Variants in TPO observed in about 807,000 individuals in gnomAD.
TPO encodes the protein thyroid microsomal antigen.
Under a neutral mutation model 96.9 loss-of-function variants are expected in TPO, and 78 were observed. The ratio of observed to expected loss-of-function variants is 0.81; its 90% confidence interval spans 0.67 to 0.97. The LOEUF is 0.97. Among genes scored for constraint, TPO ranks in the 50% least tolerant of loss-of-function variants. The pLI is 0.00. For synonymous variants in TPO, 547 were observed against 538.0 expected, an observed-to-expected ratio of 1.02 and a Z score of -0.23; for missense variants, 1,252 against 1,274.8, an observed-to-expected ratio of 0.98 and a Z score of 0.27.
chr2:1,497,097 C>T (rs1177574170), intron 13 of TPO, among the ~76,000 whole-genome samples: 3 of 152,204 alleles, frequency 2.0e-5, no homozygotes, highest in Non-Finnish European at 2.9e-5. Flanking sequence ...CAGCAGCAAA[C>T]GTCTCCACTC....
At chr2:1,499,569 C>T (rs979712585) in intron 13 of TPO, among the ~76,000 whole-genome samples, 1 of 151,592 alleles carries the variant, frequency 6.6e-6, no homozygotes, top group African/African-American at 2.4e-5. Context: ...ATCACACCTG[C>T]GGCGTCTGGG....
chr2:1,381,188 T>A (rs981229548), intron 1 of TPO, among the ~76,000 whole-genome samples: 4 of 152,172 alleles, frequency 2.6e-5, no homozygotes, highest in African/African-American at 9.7e-5. Flanking sequence ...AAAGAGCTTC[T>A]GCACAGCAAA....
At chr2:1,507,391 T>G (rs1456673260) in intron 14 of TPO, among the ~76,000 whole-genome samples, 2 of 152,234 alleles carry the variant, frequency 1.3e-5, no homozygotes, top group Non-Finnish European at 2.9e-5. Flanking sequence ...CCATATGAAC[T>G]TTAAAGTAGT....
At chr2:1,504,414 C>T (rs1024221766) in intron 14 of TPO, among the ~76,000 whole-genome samples, 6 of 152,160 alleles carry the variant, frequency 3.9e-5, no homozygotes, top group African/African-American at 1.4e-4. Context: ...TCATTACAGA[C>T]CCATCCATCA....
At chr2:1,518,809 G>A (rs999199843) in intron 15 of TPO, among the ~76,000 whole-genome samples, 1 of 152,204 alleles carries the variant, frequency 6.6e-6, no homozygotes, top group Non-Finnish European at 1.5e-5. Flanking sequence ...TCTGACTCAG[G>A]TGCTTGCCAT....
intron 1 of TPO, among the ~76,000 whole-genome samples, chr2:1,383,781 C>T (rs1235598888): frequency 6.6e-6 from 1 of 152,088 alleles, no homozygotes. Context: ...GGTGTTTTAG[C>T]CATGACGTCC....
At chr2:1,500,483 C>T (rs563229616) in intron 13 of TPO, among the ~76,000 whole-genome samples, 30 of 152,198 alleles carry the variant, frequency 2.0e-4, no homozygotes, top group Admixed American at 1.4e-3. Flanking sequence ...GGAAACTTTA[C>T]GTTTATGGTA....
intron 3 of TPO, among the ~76,000 whole-genome samples, chr2:1,430,774 C>T (rs1664899362): frequency 6.6e-6 from 1 of 152,206 alleles, no homozygotes; most frequent in African/African-American, 2.4e-5. Context: ...GAATTGCCTG[C>T]TGAGTGTAGA....
intron 5 of TPO, among the ~76,000 whole-genome samples, chr2:1,438,270 A>G (rs2148509483): frequency 6.6e-6 from 1 of 152,230 alleles, no homozygotes; most frequent in Admixed American, 6.5e-5. Context: ...GAAATATAAG[A>G]CATTGAATTC....
At chr2:1,422,388 C>CGCT (rs1558264666) in intron 2 of TPO, among the ~76,000 whole-genome samples, 1 of 152,032 alleles carries the variant, frequency 6.6e-6, no homozygotes, top group Admixed American at 6.6e-5. Flanking sequence ...GTGCAGGCGC[C>CGCT]GCGCTGGGCC....
intron 5 of TPO, among the ~76,000 whole-genome samples, chr2:1,446,317 G>T (rs1666814438): frequency 6.6e-6 from 1 of 152,156 alleles, no homozygotes; most frequent in Non-Finnish European, 1.5e-5. Flanking sequence ...GGATTTATTT[G>T]CTCCTGCCTT....
chr2:1,464,769 G>A (rs368794087), intron 7 of TPO, among the ~76,000 whole-genome samples: 3 of 152,212 alleles, frequency 2.0e-5, no homozygotes, highest in South Asian at 4.2e-4. Context: ...TTACTGATTT[G>A]TTTGAGTTTG....
intron 3 of TPO, 21 bp from the exon 4 acceptor site, chr2:1,433,417 T>G: frequency 6.2e-7 from 1 of 1,613,792 alleles, no homozygotes; most frequent in Non-Finnish European, 8.5e-7. Flanking sequence ...ATCTATTTTA[T>G]ATCTTCTTTA....
At chr2:1,401,727 T>G (rs994155835) in intron 1 of TPO, among the ~76,000 whole-genome samples, 2 of 152,056 alleles carry the variant, frequency 1.3e-5, no homozygotes, top group African/African-American at 4.8e-5. Flanking sequence ...TCTGCCAGAG[T>G]GTGGGCTGAG....
At chr2:1,411,910 A>G (rs1357770134), upstream of TPO, among the ~76,000 whole-genome samples, 1 of 152,178 alleles carries the variant, frequency 6.6e-6, no homozygotes, top group Non-Finnish European at 1.5e-5. Flanking sequence ...CCCTTTTGCC[A>G]TGCAGGTTGC....
chr2:1,413,188 A>G (rs1371092866), upstream of TPO, among the ~76,000 whole-genome samples: 7 of 152,276 alleles, frequency 4.6e-5, no homozygotes, highest in East Asian at 1.2e-3. Context: ...TGCAAGTGTC[A>G]CAAGTCTGGA....
Position 1,496,023 on chromosome 2 carries a change from G to A in TPO, c.2041G>A (p.Ala681Thr), listed in dbSNP as rs1672297623. ...WWENSHVFTDAQRRELEKHSL... is the reference protein window; with the variant it reads ...WWENSHVFTDTQRRELEKHSL... ...GGAGAACAGCCACGTCTTCACGGAT[G>A]CACAGAGGCGTGAGCTGGAGAAGCA... Residue 681 changes from alanine to threonine, a missense_variant, in exon 12 of 17, where the codon GCA becomes ACA. Physicochemically the swap from Ala to Thr is moderately conservative, Grantham distance 58 (BLOSUM62 0). Transcript: ENST00000329066. 1 of 1,613,508 alleles carries A rather than the reference G, an allele frequency of 6.2e-7. No individual in the cohort carries two copies. The highest frequency in any genetic ancestry group is 2.2e-5 in the East Asian group (1 of 44,882).
intron 1 of TPO, among the ~76,000 whole-genome samples, chr2:1,407,149 G>A (rs1662260395): frequency 6.6e-6 from 1 of 152,182 alleles, no homozygotes; most frequent in Non-Finnish European, 1.5e-5. Flanking sequence ...TTTACCAGTG[G>A]CTTTGATTTC....
rs751494220 is a variant in TPO at position 1,484,598 on chromosome 2, C to G, written c.1341C>G (p.Ile447Met). 1.2e-6 allele frequency: 2 copies of G among 1,614,134 alleles called. No individual in the cohort carries two copies. The highest frequency in any genetic ancestry group is 1.7e-6 in the Non-Finnish European group (2 of 1,180,040). ...AGATGCTTTTCCTATCTGCACAGATCATCACCCTGAGGGATTACATCCCCA... is the reference window on the plus strand; with the variant it reads ...AGATGCTTTTCCTATCTGCACAGATGATCACCCTGAGGGATTACATCCCCA... ...ARKVVGALHQ[I>M]ITLRDYIPRI... The change falls in exon 9 of 17, where the codon ATC (isoleucine) becomes ATG (methionine). Residue 447 changes from isoleucine to methionine, a missense_variant and splice_region_variant. Coordinates refer to ENST00000329066, the MANE Select transcript of TPO (RefSeq NM_001206744.2).
Sources: allele counts gnomAD v4.1 joint callset (sites outside exome capture counted in the v4.1 genomes callset), GRCh38; gene constraint gnomAD v4.1.1; transcripts MANE v1.5; gene names NCBI Gene and HGNC (gene_info 2026-07-23, HGNC 2026-07-21).